The following SEL1L2 variants were observed in gnomAD, a reference collection of about 807,000 sequenced individuals.
SEL1L2 encodes the protein SEL1L2 adaptor subunit of SYVN1 ubiquitin ligase, also known as protein sel-1 homolog 2.
In SEL1L2, 89 loss-of-function variants were observed where a neutral mutation model predicts 98.8. The observed-to-expected ratio is 0.90, with a 90% CI of 0.76 to 1.07. The LOEUF (loss-of-function observed/expected upper bound fraction) is 1.07. SEL1L2 is among the 50% of genes least tolerant of loss of function. SEL1L2 has a pLI of 0.00. For missense variants in SEL1L2, 788 were observed against 812.0 expected, an observed-to-expected ratio of 0.97 and a Z score of 0.36; for synonymous variants, 262 against 278.5, an observed-to-expected ratio of 0.94 and a Z score of 0.59.
intron 17 of SEL1L2, among the ~76,000 whole-genome samples, chr20:13,863,666 CAGTTTAATATCAATGTACT>C (rs1302559745): frequency 6.6e-6 from 1 of 152,030 alleles, no homozygotes; most frequent in Non-Finnish European, 1.5e-5. Flanking sequence ...TTGAGGAATT[CAGTTTAATATCAATGTACT>C]AGCTGGGCGA....
At chr20:13,978,697 TAAA>T (rs2051662598) in intron 1 of SEL1L2, among the ~76,000 whole-genome samples, 1 of 151,742 alleles carries the variant, frequency 6.6e-6, no homozygotes. Context: ...TATAAAAATA[TAAA>T]ATAAGTATAC....
chr20:13,931,816 T>C (rs765522618), intron 2 of SEL1L2, 45 bp from the exon 3 acceptor site: 2 of 1,407,052 alleles, frequency 1.4e-6, no homozygotes, highest in Non-Finnish European at 1.9e-6. Context: ...TGTGTGAGTT[T>C]TTTTCAAATG....
chr20:13,966,559 A>T (rs1239708928), intron 1 of SEL1L2, among the ~76,000 whole-genome samples: 1 of 152,128 alleles, frequency 6.6e-6, no homozygotes, highest in South Asian at 2.1e-4. Flanking sequence ...ACCTCAGGCA[A>T]TCCACCCACC....
chr20:13,866,639 A>C, intron 15 of SEL1L2, 63 bp downstream of exon 15: 1 of 1,278,330 alleles, frequency 7.8e-7, no homozygotes, highest in Non-Finnish European at 1.0e-6. Flanking sequence ...ATTTAAGAAC[A>C]GTATCACCTC....
intron 2 of SEL1L2, among the ~76,000 whole-genome samples, chr20:13,950,280 C>T (rs1291741815): frequency 6.6e-6 from 1 of 152,040 alleles, no homozygotes; most frequent in African/African-American, 2.4e-5. Flanking sequence ...GTAATTAGCA[C>T]TACTGAGCTG....
In SEL1L2 at chr20:13,972,890, G is replaced by A. The variant is rs2051349578; in HGVS notation, c.59-16759C>T. On this transcript the variant is annotated intron_variant, in intron 1 of 19. Coordinates refer to ENST00000284951, the MANE Select transcript of SEL1L2 (RefSeq NM_025229.2). ...GAGCGGGTCTTTTCCCAGTGTTCTT[G>A]CTTGGCACAAAGTGGGCCTTAATGT... Among the ~76,000 whole-genome samples, 3 of 151,980 alleles carry A rather than the reference G, an allele frequency of 2.0e-5. No homozygotes were observed. The South Asian group carries it at 6.2e-4, about 31-fold the overall frequency.
chr20:13,874,316 G>A (rs1405862606), intron 12 of SEL1L2, among the ~76,000 whole-genome samples: 1 of 152,184 alleles, frequency 6.6e-6, no homozygotes, highest in Non-Finnish European at 1.5e-5. Context: ...TAGTAAGAGT[G>A]AGAAATCTAA....
chr20:13,893,896 A>T (rs532645582), intron 5 of SEL1L2, among the ~76,000 whole-genome samples: 1 of 152,318 alleles, frequency 6.6e-6, no homozygotes, highest in South Asian at 2.1e-4. Flanking sequence ...CTTCACAAAT[A>T]TGTGAAAACA....
In SEL1L2 at chr20:13,990,539, T is replaced by C; in HGVS notation, c.-5A>G. ...TAACAGAGACAAGGGCTTCATCTTC[T>C]CTTAAGCAGCTTCTCTTCACTGTAA... On this transcript the variant is annotated 5_prime_UTR_variant, in exon 1 of 20. Transcript: ENST00000284951. 1 of 1,610,280 alleles carries C rather than the reference T, an allele frequency of 6.2e-7. No individual in the cohort carries two copies. The highest frequency in any genetic ancestry group is 1.1e-5 in the South Asian group (1 of 90,710).
chr20:13,858,081 G>A (rs953152967), intron 18 of SEL1L2, among the ~76,000 whole-genome samples: 2 of 152,072 alleles, frequency 1.3e-5, no homozygotes, highest in African/African-American at 4.8e-5. Flanking sequence ...CACTGCTTAG[G>A]GTGCCAGGGC....
intron 10 of SEL1L2, among the ~76,000 whole-genome samples, chr20:13,884,275 G>A (rs2046841267): frequency 6.6e-6 from 1 of 151,992 alleles, no homozygotes. Flanking sequence ...GGAGCATGTG[G>A]CTCCTATAAA....
At chr20:13,956,382 A>G (rs552263530) in intron 1 of SEL1L2, among the ~76,000 whole-genome samples, 1 of 152,290 alleles carries the variant, frequency 6.6e-6, no homozygotes, top group East Asian at 1.9e-4. Flanking sequence ...AATTGAGTTA[A>G]TAACATGAAA....
intron 2 of SEL1L2, among the ~76,000 whole-genome samples, chr20:13,951,041 C>T (rs372965683): frequency 2.0e-5 from 3 of 151,976 alleles, no homozygotes; most frequent in East Asian, 3.9e-4. Flanking sequence ...CTTTGGGAGG[C>T]CGAGGCGTGC....
chr20:13,981,411 A>C (rs2051826115), intron 1 of SEL1L2, among the ~76,000 whole-genome samples: 1 of 152,232 alleles, frequency 6.6e-6, no homozygotes, highest in Non-Finnish European at 1.5e-5. Flanking sequence ...TTAATAACGT[A>C]TTCTGTATTT....
chr20:13,887,786 T>C lies in SEL1L2; in HGVS notation c.728A>G (p.Lys243Arg), dbSNP rs1568903032. ...TTACTTACTATAATCTGCCACTTTC[T>C]TGTAATAACTTAGGGCAACTTCACA... ...QNCEVALSYY[K>R]KVADYIADTF... Residue 243 changes from lysine (K) to arginine (R), a missense_variant, in exon 8 of 20, where the codon AAG (lysine) becomes AGG (arginine). Lys to Arg is a conservative substitution (Grantham distance 26). Transcript: ENST00000284951. 6 of 1,610,682 alleles carry C rather than the reference T, an allele frequency of 3.7e-6. No homozygotes were observed. In the South Asian group the frequency reaches 5.5e-5, roughly 15 times the overall value.
rs143993519 is a variant in SEL1L2 at position 13,868,732 on chromosome 20, C to T, written c.1255+771G>A. On this transcript the variant is annotated intron_variant, in intron 14 of 19. Transcript: ENST00000284951. ...GCAATTTGATTCTGCCTCAGCCTCC[C>T]GAGTAGCTGGGACTACAGGCAGCCG... 3.2e-3 allele frequency among the ~76,000 whole-genome samples: 484 copies of T among 151,950 alleles called. 4 individuals carry two copies. The highest frequency in any genetic ancestry group is 0.011 in the African/African-American group (465 of 41,426).
chr20:13,883,102 G>A (rs1207372864), intron 10 of SEL1L2, among the ~76,000 whole-genome samples: 2 of 152,182 alleles, frequency 1.3e-5, no homozygotes, highest in Admixed American at 6.5e-5. Context: ...TTACAGGCGT[G>A]AGCCACCGCG....
At chr20:13,878,075 T>A (rs2046517565) in intron 10 of SEL1L2, among the ~76,000 whole-genome samples, 1 of 152,156 alleles carries the variant, frequency 6.6e-6, no homozygotes, top group Admixed American at 6.5e-5. Context: ...TATGCAGAAG[T>A]GAGCTTTGAG....
chr20:13,959,386 C>T (rs1239155457), intron 1 of SEL1L2, among the ~76,000 whole-genome samples: 1 of 152,146 alleles, frequency 6.6e-6, no homozygotes, highest in African/African-American at 2.4e-5. Context: ...TCATCCACTA[C>T]AGCTTTCTGA....
Sources: gnomAD v4.1 joint callset for allele counts (sites outside exome capture counted in the v4.1 genomes callset) on GRCh38, gnomAD v4.1.1 for gene constraint, MANE v1.5 for transcripts, NCBI Gene and HGNC (gene_info 2026-07-23, HGNC 2026-07-21) for gene names.